The following STPG1 variants were observed in gnomAD, a reference collection of about 807,000 sequenced individuals.
STPG1 encodes the protein sperm tail PG-rich repeat containing 1.
Under a neutral mutation model 40.1 loss-of-function variants are expected in STPG1, and 33 were observed. The ratio of observed to expected loss-of-function variants is 0.82; its 90% CI spans 0.62 to 1.10. The LOEUF is 1.10. STPG1 is among the 50% of genes least tolerant of loss of function. The probability of loss-of-function intolerance (pLI) is 0.00; values close to 1 mark genes in which losing one functional copy is unlikely to be tolerated. For synonymous variants in STPG1, 150 were observed against 155.0 expected (o/e 0.97, Z 0.24); for missense variants, 396 against 415.1 (o/e 0.95, Z 0.40).
chr1:24,409,045 G>A (rs957330300), intron 1 of STPG1, among the ~76,000 whole-genome samples: 1 of 152,120 alleles, frequency 6.6e-6, no homozygotes, highest in Non-Finnish European at 1.5e-5. Context: ...CACCAATCCA[G>A]CTTAACAAGG....
intron 1 of STPG1, among the ~76,000 whole-genome samples, chr1:24,411,323 C>T (rs963944095): frequency 6.6e-6 from 1 of 152,150 alleles, no homozygotes; most frequent in African/African-American, 2.4e-5. Flanking sequence ...AGGCTTTGAA[C>T]TCAGGAAGTC....
At chr1:24,370,867 C>A (rs1405332575) in intron 6 of STPG1, among the ~76,000 whole-genome samples, 1 of 151,800 alleles carries the variant, frequency 6.6e-6, no homozygotes, top group African/African-American at 2.4e-5. Flanking sequence ...GCAATCCCCC[C>A]ACCTCAGCCT....
intron 5 of STPG1, among the ~76,000 whole-genome samples, chr1:24,378,029 C>T (rs1007623869): frequency 6.6e-6 from 1 of 151,290 alleles, no homozygotes; most frequent in African/African-American, 2.5e-5. Context: ...TCCTCCTCCT[C>T]ATCATTTTCA....
intron 3 of STPG1, 172 bp downstream of exon 3, chr1:24,391,389 G>A (rs1302298070): frequency 4.8e-6 from 2 of 414,914 alleles, no homozygotes; most frequent in African/African-American, 2.0e-5. Flanking sequence ...TTTCAGGCTC[G>A]TTCTTACAGT....
chr1:24,384,061 A>C, intron 3 of STPG1, 58 bp from the exon 4 acceptor site: 1 of 1,058,576 alleles, frequency 9.4e-7, no homozygotes, highest in Non-Finnish European at 1.5e-6. Flanking sequence ...GTGCTTTTCC[A>C]CAGGCTTTAC....
rs867229366 is a variant in STPG1, at chr1:24,359,201, C to T, written c.929-582G>A. Among the ~76,000 whole-genome samples the T allele has an allele frequency of 6.6e-6, 1 of 152,320 alleles. No homozygotes were observed. Among genetic ancestry groups the T allele is most frequent in the South Asian group, 2.1e-4 (1 of 4,834 alleles). On this transcript the variant is annotated intron_variant, in intron 8 of 8. Coordinates refer to ENST00000337248, the MANE Select transcript of STPG1 (RefSeq NM_001199013.2). The surrounding 1 kb of genome is among the most constrained non-coding windows in gnomAD (Gnocchi z 5.3). Reference sequence around the variant, plus strand: ...GAAGCTGAGCAGGCAGATGCCGGCACGTGCACGTGCCCAGGAAACCCCTCG... The same window carrying T: ...GAAGCTGAGCAGGCAGATGCCGGCATGTGCACGTGCCCAGGAAACCCCTCG...
At chr1:24,364,956 G>A (rs986812083) in intron 7 of STPG1, among the ~76,000 whole-genome samples, 3 of 152,216 alleles carry the variant, frequency 2.0e-5, no homozygotes, top group African/African-American at 7.2e-5. Context: ...GAAAGCATCT[G>A]AGACCCTCCA....
At chr1:24,388,601 G>A (rs972604748) in intron 3 of STPG1, among the ~76,000 whole-genome samples, 1 of 152,220 alleles carries the variant, frequency 6.6e-6, no homozygotes, top group Admixed American at 6.5e-5. Context: ...CTGTGTCAAA[G>A]ATGTGCTAAG....
chr1:24,365,871 G>C (rs1218510518), intron 7 of STPG1, among the ~76,000 whole-genome samples: 1 of 152,192 alleles, frequency 6.6e-6, no homozygotes, highest in Non-Finnish European at 1.5e-5. Flanking sequence ...CCATGGTACT[G>C]ACTTTGGGGC....
chr1:24,370,576 C>A (rs2148686244), intron 6 of STPG1, among the ~76,000 whole-genome samples: 1 of 152,238 alleles, frequency 6.6e-6, no homozygotes, highest in Middle Eastern at 3.4e-3. Context: ...ACTGCAAGCT[C>A]TGCCTCCCAG....
At chr1:24,394,548 G>C (rs1212930118) in intron 2 of STPG1, among the ~76,000 whole-genome samples, 7 of 152,158 alleles carry the variant, frequency 4.6e-5, no homozygotes. Context: ...TAGTGGAGAA[G>C]AACATTATAA....
At chr1:24,401,051 C>T (rs1377421548) in intron 2 of STPG1, 6 of 374,976 alleles carry the variant, frequency 1.6e-5, no homozygotes, top group Non-Finnish European at 2.4e-5. Context: ...GAGATTCTTA[C>T]CAGATACATG....
intron 8 of STPG1, among the ~76,000 whole-genome samples, chr1:24,358,913 A>G (rs1640904306): frequency 6.6e-6 from 1 of 152,232 alleles, no homozygotes; most frequent in Non-Finnish European, 1.5e-5. Flanking sequence ...GTAAAGCAAT[A>G]TTCTTAAAGA....
At chr1:24,412,831 T>A (rs1163207537) in intron 1 of STPG1, among the ~76,000 whole-genome samples, 2 of 152,232 alleles carry the variant, frequency 1.3e-5, no homozygotes, top group African/African-American at 2.4e-5. Context: ...CAGAATATAT[T>A]TCCAGCGGGA....
At chr1:24,384,037 A>T (rs1460636193) in intron 3 of STPG1, 34 bp from the exon 4 acceptor site, 2 of 1,312,094 alleles carry the variant, frequency 1.5e-6, no homozygotes, top group Non-Finnish European at 2.2e-6. Context: ...TCATCGAGAT[A>T]CTTCAATTCC....
intron 2 of STPG1, among the ~76,000 whole-genome samples, chr1:24,397,729 C>A (rs964904845): frequency 8.6e-5 from 13 of 152,020 alleles, no homozygotes; most frequent in African/African-American, 2.7e-4. Flanking sequence ...TGTCTGGCTT[C>A]TTTCACTCAG....
At chr1:24,365,554 C>A (rs1031909342) in intron 7 of STPG1, among the ~76,000 whole-genome samples, 3 of 152,186 alleles carry the variant, frequency 2.0e-5, no homozygotes, top group Admixed American at 6.5e-5. Flanking sequence ...AAGGAACACC[C>A]GATGGCATGA....
intron 3 of STPG1, among the ~76,000 whole-genome samples, chr1:24,387,495 C>G (rs898412805): frequency 6.6e-6 from 1 of 152,122 alleles, no homozygotes; most frequent in Non-Finnish European, 1.5e-5. Context: ...GTGCCTCCAC[C>G]TCGGGAAGAT....
chr1:24,392,952 C>T (rs1449176888), intron 2 of STPG1, among the ~76,000 whole-genome samples: 1 of 152,118 alleles, frequency 6.6e-6, no homozygotes, highest in African/African-American at 2.4e-5. Context: ...CTCATTTCTT[C>T]ATCTCTGAAT....
Sources: gnomAD v4.1 joint callset for allele counts (sites outside exome capture counted in the v4.1 genomes callset) on GRCh38, gnomAD v4.1.1 for gene constraint, Gnocchi (gnomAD v3.1) non-coding constraint, MANE v1.5 for transcripts, NCBI Gene and HGNC (gene_info 2026-07-23, HGNC 2026-07-21) for gene names.